PPIP5K2: variants seen among roughly 807,000 people sequenced by gnomAD.
The protein encoded by PPIP5K2 is diphosphoinositol pentakisphosphate kinase 2, also known as inositol hexakisphosphate and diphosphoinositol-pentakisphosphate kinase 2.
PPIP5K2 carries 105 observed loss-of-function variants against 154.6 expected under a neutral mutation model. The ratio of observed to expected loss-of-function variants is 0.68; its 90% CI spans 0.58 to 0.80. PPIP5K2 has a LOEUF of 0.80. Ranked by LOEUF, PPIP5K2 falls within the 30% of genes least tolerant of loss-of-function variation. The pLI is 0.00. For synonymous variants in PPIP5K2, 480 were observed against 490.3 expected, an observed-to-expected ratio of 0.98 and a Z score of 0.28; for missense variants, 992 against 1,504.6, an observed-to-expected ratio of 0.66 and a Z score of 5.64.
At chr5:103,159,375 GA>G in intron 17 of PPIP5K2, 47 bp downstream of exon 17, 1 of 1,439,710 alleles carries the variant, frequency 6.9e-7, no homozygotes, top group South Asian at 1.4e-5. Context: ...CACACACACA[GA>G]AAAGTGATAA....
intron 23 of PPIP5K2, among the ~76,000 whole-genome samples, chr5:103,178,327 A>G (rs1799019783): frequency 6.6e-6 from 1 of 151,900 alleles, no homozygotes; most frequent in South Asian, 2.1e-4. Flanking sequence ...CCCCAGTATC[A>G]TAGATTCAAG....
chr5:103,175,420 AAAG>A (rs1229341164), intron 21 of PPIP5K2, among the ~76,000 whole-genome samples: 12 of 152,048 alleles, frequency 7.9e-5, no homozygotes, highest in Non-Finnish European at 1.8e-4. Context: ...GCAAGGCAAA[AAAG>A]CTTGTATATC....
At position 103,146,681 on chromosome 5, in the gene PPIP5K2, G is replaced by C; in HGVS notation, c.642G>C (p.Lys214Asn). Residue 214 changes from lysine (K) to asparagine (N), a missense_variant and splice_region_variant, in exon 6 of 31, where the codon AAG (lysine) becomes AAC (asparagine). Coordinates refer to ENST00000358359, the MANE Select transcript of PPIP5K2 (RefSeq NM_001276277.3). The part of the protein sequence containing the change: ...AGGGSQRLFR[K>N]IGSRSSVYSP... Reference sequence around the variant, plus strand: ...GTGGAAGTCAAAGACTCTTTAGAAAGGTAACACCTTTGTAACTTTTGTATG... The same window carrying C: ...GTGGAAGTCAAAGACTCTTTAGAAACGTAACACCTTTGTAACTTTTGTATG... 1 of 1,602,862 alleles carries C rather than the reference G, an allele frequency of 6.2e-7. No homozygotes were observed. The highest frequency in any genetic ancestry group is 8.5e-7 in the Non-Finnish European group (1 of 1,175,082).
Position 103,205,098 on chromosome 5 carries a change from A to C in PPIP5K2, c.*3464A>C, listed in dbSNP as rs1803435117. 6.6e-6 allele frequency: 1 copy of C among 152,152 alleles called. No individual in the cohort carries two copies. The highest frequency in any genetic ancestry group is 2.4e-5 in the African/African-American group (1 of 41,394). The allele number at this position is 152,152 out of a possible 1,614,324, so 9.4% of individuals were successfully genotyped here. On this transcript the variant is annotated 3_prime_UTR_variant, in exon 31 of 31. Coordinates refer to ENST00000358359, the MANE Select transcript of PPIP5K2 (RefSeq NM_001276277.3). Reference sequence around the variant, plus strand: ...GTTCAGTTCCCTCTTATGAGTGAGAACATGCGGTGTTTGGTTTTCTGTCCT... The same window carrying C: ...GTTCAGTTCCCTCTTATGAGTGAGACCATGCGGTGTTTGGTTTTCTGTCCT...
chr5:103,167,417 C>A, intron 18 of PPIP5K2, 97 bp downstream of exon 18: 6 of 1,105,320 alleles, frequency 5.4e-6, no homozygotes, highest in Non-Finnish European at 7.5e-6. Context: ...AGAAATCAAG[C>A]CTCTCTTGAG....
At chr5:103,144,391 T>A (rs545881678) in intron 5 of PPIP5K2, among the ~76,000 whole-genome samples, 2 of 152,214 alleles carry the variant, frequency 1.3e-5, no homozygotes, top group South Asian at 4.1e-4. Flanking sequence ...GCAGTCAGAA[T>A]AGCAAAGACA....
intron 23 of PPIP5K2, 24 bp from the exon 24 acceptor site, chr5:103,179,997 G>A (rs1799262430): frequency 6.7e-7 from 1 of 1,498,706 alleles, no homozygotes; most frequent in African/African-American, 1.4e-5. Flanking sequence ...AATAGTAAAA[G>A]TGTTTTATAT....
At chr5:103,159,398 A>C in intron 17 of PPIP5K2, 70 bp downstream of exon 17, 1 of 1,257,278 alleles carries the variant, frequency 8.0e-7, no homozygotes. Context: ...TGCATAAAAC[A>C]TACATGTAGA....
chr5:103,183,351 C>T lies in PPIP5K2; in HGVS notation c.3040C>T (p.Pro1014Ser). Reference protein sequence around the residue: ...RRSGEQITSSPVSPKSLAFTS... With the variant: ...RRSGEQITSSSVSPKSLAFTS... ...ATCAGGGGAACAAATCACTTCTTCC[C>T]CTGTCTCCCCCAAATCATTGGCTTT... The change falls in exon 25 of 31, where the codon CCT (proline) becomes TCT (serine). Residue 1014 changes from proline to serine, a missense_variant. Coordinates refer to ENST00000358359, the MANE Select transcript of PPIP5K2 (RefSeq NM_001276277.3). 2 of 1,610,942 alleles carry T rather than the reference C, an allele frequency of 1.2e-6. No individual in the cohort carries two copies. Among genetic ancestry groups the T allele is most frequent in the Non-Finnish European group, 8.5e-7 (1 of 1,178,978 alleles).
intron 5 of PPIP5K2, 101 bp from the exon 6 acceptor site, chr5:103,146,426 C>G: frequency 8.1e-7 from 1 of 1,237,928 alleles, no homozygotes; most frequent in Non-Finnish European, 1.1e-6. Flanking sequence ...TCCAAGTTTT[C>G]TTTTATGGTC....
chr5:103,172,811 C>G (rs1177395779), intron 19 of PPIP5K2, among the ~76,000 whole-genome samples: 1 of 151,686 alleles, frequency 6.6e-6, no homozygotes, highest in East Asian at 1.9e-4. Context: ...ACATATTGTG[C>G]TTTAGTGTTT....
intron 30 of PPIP5K2, among the ~76,000 whole-genome samples, chr5:103,199,295 C>G (rs1802601840): frequency 6.6e-6 from 1 of 152,070 alleles, no homozygotes; most frequent in East Asian, 1.9e-4. Context: ...TGCCTTCAGC[C>G]TGAAGTTTTT....
In PPIP5K2 at chr5:103,129,686, G is replaced by T. The variant is rs371073964; in HGVS notation, c.97G>T (p.Glu33Ter). The stretch of plus-strand genomic sequence containing the variant: ...CTTCCACCATGCAGATGAAGACGAT[G>T]AGGAGGAAGATGATTCTGTAAGTTG... ...HFFHHADEDDEEEDDSPPERQ... is the reference protein window; with the variant it reads ...HFFHHADEDD Residue 33 changes from glutamate to a stop codon, truncating the protein, a stop_gained, in exon 2 of 31, where the codon GAG becomes TAG. Coordinates refer to ENST00000358359, the MANE Select transcript of PPIP5K2 (RefSeq NM_001276277.3). LOFTEE classifies it high-confidence loss of function. 6.2e-7 allele frequency: 1 copy of T among 1,605,926 alleles called. No individual in the cohort carries two copies. Among genetic ancestry groups the T allele is most frequent in the East Asian group, 2.2e-5 (1 of 44,562 alleles).
chr5:103,188,433 C>T (rs989597882), intron 28 of PPIP5K2, among the ~76,000 whole-genome samples: 2 of 152,122 alleles, frequency 1.3e-5, no homozygotes, highest in Non-Finnish European at 2.9e-5. Context: ...CCTTTAACAA[C>T]ACATCTAAAT....
At chr5:103,143,902 T>G (rs1197424348) in intron 5 of PPIP5K2, among the ~76,000 whole-genome samples, 5 of 152,184 alleles carry the variant, frequency 3.3e-5, no homozygotes, top group Admixed American at 2.6e-4. Flanking sequence ...CTTTCATCTC[T>G]TTTATTCAAC....
In PPIP5K2 at chr5:103,190,827, T is replaced by C; in HGVS notation, c.3353-15T>C. 1.9e-6 allele frequency: 3 copies of C among 1,557,650 alleles called. No homozygotes were observed. Among genetic ancestry groups the C allele is most frequent in the Middle Eastern group, 1.7e-4 (1 of 5,784 alleles). On this transcript the variant is annotated splice_polypyrimidine_tract_variant and intron_variant, in intron 28 of 30. Transcript: ENST00000358359. Reference sequence around the variant, plus strand: ...CCATCTTTTATTTTTTGTTTTTGGTTTTTTTCTCTTCTAGGCTTTGAATTG... The same window carrying C: ...CCATCTTTTATTTTTTGTTTTTGGTCTTTTTCTCTTCTAGGCTTTGAATTG...
At chr5:103,173,037 A>G (rs1798195168) in intron 19 of PPIP5K2, 118 bp from the exon 20 acceptor site, 1 of 747,300 alleles carries the variant, frequency 1.3e-6, no homozygotes, top group African/African-American at 1.8e-5. Flanking sequence ...GGAGTTATCC[A>G]ACGTTCAAAA....
At chr5:103,193,480 T>G (rs1801584882) in intron 29 of PPIP5K2, among the ~76,000 whole-genome samples, 1 of 151,864 alleles carries the variant, frequency 6.6e-6, no homozygotes, top group Non-Finnish European at 1.5e-5. Flanking sequence ...TACTAAAAGA[T>G]AGCTTACAAT....
chr5:103,208,719 T>A lies in PPIP5K2; in HGVS notation c.*7085T>A, dbSNP rs1452320282. ...GGAACTAGTTGTTGTTGTTTTTTTT[T>A]CCCTGTCTCAGATTATGTCATCTAT... On this transcript the variant is annotated 3_prime_UTR_variant, in exon 31 of 31. Transcript: ENST00000358359. The A allele has an allele frequency of 1.3e-5, 2 of 152,248 alleles. No homozygotes were observed. Among genetic ancestry groups the A allele is most frequent in the Non-Finnish European group, 2.9e-5 (2 of 68,100 alleles). 9.4% of individuals were successfully genotyped at this position (152,248 alleles called of 1,614,324 possible).
Sources: allele counts gnomAD v4.1 joint callset (sites outside exome capture counted in the v4.1 genomes callset), GRCh38; gene constraint gnomAD v4.1.1; transcripts MANE v1.5; gene names NCBI Gene and HGNC (gene_info 2026-07-23, HGNC 2026-07-21).